Variants in MSI2 observed in about 807,000 individuals in gnomAD.
The protein encoded by MSI2 is musashi RNA binding protein 2, also known as RNA-binding protein Musashi homolog 2.
A neutral mutation model predicts 45.6 loss-of-function variants in MSI2; 17 were observed. The observed-to-expected ratio is 0.37, with a 90% CI of 0.26 to 0.56. MSI2 has a LOEUF of 0.56. Ranked by LOEUF, MSI2 falls within the 20% of genes least tolerant of loss-of-function variation. MSI2 has a pLI of 0.77. For synonymous variants in MSI2, 156 were observed against 158.2 expected, an observed-to-expected ratio of 0.99 and a Z score of 0.11; for missense variants, 293 against 444.2, an observed-to-expected ratio of 0.66 and a Z score of 3.06.
intron 7 of MSI2, among the ~76,000 whole-genome samples, chr17:57,561,869 A>C (rs962033170): frequency 1.3e-5 from 2 of 152,144 alleles, no homozygotes; most frequent in Non-Finnish European, 2.9e-5. Flanking sequence ...AGATGAGGAA[A>C]CTGGCACCCA....
chr17:57,324,088 G>A (rs1461184599), intron 5 of MSI2, among the ~76,000 whole-genome samples: 4 of 152,308 alleles, frequency 2.6e-5, no homozygotes, highest in South Asian at 2.1e-4. Context: ...TGGGAGGGTC[G>A]CTTGAGGCCA....
At chr17:57,433,411 A>G (rs2084635649) in intron 6 of MSI2, among the ~76,000 whole-genome samples, 2 of 152,192 alleles carry the variant, frequency 1.3e-5, no homozygotes, top group Non-Finnish European at 2.9e-5. Context: ...ACATAGAGAC[A>G]GGGATCAGAG....
At chr17:57,341,763 A>G (rs1915184142) in intron 5 of MSI2, among the ~76,000 whole-genome samples, 1 of 152,162 alleles carries the variant, frequency 6.6e-6, no homozygotes, top group African/African-American at 2.4e-5. Flanking sequence ...GGGCACCGCC[A>G]CAGATAATAC....
chr17:57,588,671 G>C (rs557361128), intron 7 of MSI2, among the ~76,000 whole-genome samples: 2 of 152,194 alleles, frequency 1.3e-5, no homozygotes, highest in Non-Finnish European at 2.9e-5. Flanking sequence ...AGCTGGAGTG[G>C]ATGACCATAT....
chr17:57,589,069 G>T (rs1443251095), intron 7 of MSI2, among the ~76,000 whole-genome samples: 1 of 152,154 alleles, frequency 6.6e-6, no homozygotes. Context: ...TTGGGAAGCA[G>T]ATGCGAGTTG....
chr17:57,583,463 T>C (rs1049284544), intron 7 of MSI2, among the ~76,000 whole-genome samples: 1 of 150,846 alleles, frequency 6.6e-6, no homozygotes, highest in Non-Finnish European at 1.5e-5. Context: ...TTAGGCATTA[T>C]ACTTTTTTCC....
chr17:57,519,833 CT>C (rs59703355), intron 6 of MSI2, among the ~76,000 whole-genome samples: 37,170 of 151,916 alleles, frequency 0.24, 5,349 homozygotes, highest in African/African-American at 0.4. Context: ...CCACCATTTA[CT>C]TACCTGTGTG....
chr17:57,563,632 C>G (rs1012774637), intron 7 of MSI2, among the ~76,000 whole-genome samples: 18 of 152,082 alleles, frequency 1.2e-4, no homozygotes, highest in African/African-American at 3.6e-4. Flanking sequence ...CTAATGTGGA[C>G]TCTCGCCTTC....
intron 6 of MSI2, among the ~76,000 whole-genome samples, chr17:57,447,721 G>A (rs183905352): frequency 3.4e-4 from 52 of 152,210 alleles, no homozygotes; most frequent in Admixed American, 2.5e-3. Flanking sequence ...CAGTGCCTGC[G>A]TTCTATGCCA....
intron 5 of MSI2, among the ~76,000 whole-genome samples, chr17:57,271,194 C>G (rs985960374): frequency 2.0e-5 from 3 of 152,144 alleles, no homozygotes; most frequent in Admixed American, 6.5e-5. Flanking sequence ...TTGTCACTGG[C>G]TGTGACAGGC....
At chr17:57,432,029 CT>C (rs2084604917) in intron 6 of MSI2, among the ~76,000 whole-genome samples, 1 of 152,202 alleles carries the variant, frequency 6.6e-6, no homozygotes, top group Non-Finnish European at 1.5e-5. Context: ...CCTCTCTCCC[CT>C]CAACACGTTC....
intron 6 of MSI2, among the ~76,000 whole-genome samples, chr17:57,472,925 T>C (rs1217746685): frequency 6.6e-6 from 1 of 151,720 alleles, no homozygotes; most frequent in Non-Finnish European, 1.5e-5. Flanking sequence ...GGAGCCTTGC[T>C]CTTGTCGCCC....
chr17:57,314,816 C>T (rs986797737), intron 5 of MSI2, among the ~76,000 whole-genome samples: 11 of 152,054 alleles, frequency 7.2e-5, no homozygotes, highest in African/African-American at 2.4e-4. Context: ...GTGATCTGCC[C>T]GCCTCGGTCT....
intron 6 of MSI2, among the ~76,000 whole-genome samples, chr17:57,513,722 C>T (rs1008898288): frequency 6.6e-6 from 1 of 152,224 alleles, no homozygotes; most frequent in Non-Finnish European, 1.5e-5. Context: ...CTCAAACCCT[C>T]TGGCCAGCTC....
At chr17:57,325,899 C>T (rs974293240) in intron 5 of MSI2, among the ~76,000 whole-genome samples, 1 of 152,192 alleles carries the variant, frequency 6.6e-6, no homozygotes, top group South Asian at 2.1e-4. Context: ...TACTCCTGCA[C>T]ACACATCTTA....
intron 4 of MSI2, among the ~76,000 whole-genome samples, chr17:57,259,149 T>A (rs1301610061): frequency 2.0e-5 from 3 of 152,162 alleles, no homozygotes; most frequent in Non-Finnish European, 2.9e-5. Flanking sequence ...AGCCCCTGTG[T>A]GGGCTTCCTG....
chr17:57,544,139 G>C (rs1192994950), intron 7 of MSI2, among the ~76,000 whole-genome samples: 1 of 152,130 alleles, frequency 6.6e-6, no homozygotes, highest in Non-Finnish European at 1.5e-5. Flanking sequence ...TTGTGTGTAG[G>C]TAGGAGGGTG....
chr17:57,493,640 G>A (rs937921923), intron 6 of MSI2, among the ~76,000 whole-genome samples: 4 of 150,166 alleles, frequency 2.7e-5, no homozygotes, highest in African/African-American at 7.4e-5. Flanking sequence ...CAGGGGAGGC[G>A]GGAAACAGTC....
chr17:57,434,375 C>T lies in MSI2; in HGVS notation c.405+32904C>T, dbSNP rs2084654232. Among the ~76,000 whole-genome samples, 3 of 152,340 alleles carry T rather than the reference C, an allele frequency of 2.0e-5. No individual in the cohort carries two copies. In the South Asian group the frequency reaches 6.2e-4, roughly 32 times the overall value. On this transcript the variant is annotated intron_variant, in intron 6 of 13. Coordinates refer to ENST00000284073, the MANE Select transcript of MSI2 (RefSeq NM_138962.4). The stretch of plus-strand genomic sequence containing the variant: ...TCGGCCTCCCAAAGTGCCAGGATTA[C>T]AGGCATGAGCCACCGTACCTGGCCC...
Sources: allele counts gnomAD v4.1 joint callset (sites outside exome capture counted in the v4.1 genomes callset), GRCh38; gene constraint gnomAD v4.1.1; transcripts MANE v1.5; gene names NCBI Gene and HGNC (gene_info 2026-07-23, HGNC 2026-07-21).